Variants in GUCY1A2 observed in about 807,000 individuals in gnomAD.
GUCY1A2 encodes the protein guanylate cyclase 1 soluble subunit alpha 2, also known as guanylate cyclase soluble subunit alpha-2.
In GUCY1A2, 27 loss-of-function variants were observed where a neutral mutation model predicts 63.5. The ratio of observed to expected loss-of-function variants is 0.43; its 90% confidence interval spans 0.31 to 0.59. The LOEUF is 0.59. Ranked by LOEUF, GUCY1A2 falls within the 20% of genes least tolerant of loss-of-function variation. The probability of loss-of-function intolerance (pLI) is 0.11; values close to 1 mark genes in which losing one functional copy is unlikely to be tolerated. For missense variants in GUCY1A2, 768 were observed against 913.3 expected, an observed-to-expected ratio of 0.84 and a Z score of 2.05; for synonymous variants, 364 against 343.5, an observed-to-expected ratio of 1.06 and a Z score of -0.66.
intron 4 of GUCY1A2, among the ~76,000 whole-genome samples, chr11:106,882,340 A>G (rs1335324813): frequency 6.6e-6 from 1 of 152,050 alleles, no homozygotes; most frequent in East Asian, 1.9e-4. Flanking sequence ...GGAATTTTAC[A>G]TGAATCTAAT....
chr11:106,884,228 A>C (rs2135473586), intron 4 of GUCY1A2, among the ~76,000 whole-genome samples: 1 of 152,288 alleles, frequency 6.6e-6, no homozygotes, highest in Non-Finnish European at 1.5e-5. Context: ...TTTTGCCTTT[A>C]TGGTGATAAC....
chr11:106,818,900 C>G (rs929843144), intron 4 of GUCY1A2, among the ~76,000 whole-genome samples: 1 of 152,118 alleles, frequency 6.6e-6, no homozygotes, highest in Admixed American at 6.6e-5. Flanking sequence ...ATCTCTAATT[C>G]TATGAAGGCT....
chr11:106,797,039 T>G (rs753280004), intron 5 of GUCY1A2, among the ~76,000 whole-genome samples: 3 of 152,180 alleles, frequency 2.0e-5, no homozygotes, highest in African/African-American at 7.2e-5. Flanking sequence ...CTTCAATCAC[T>G]GATACCCTTT....
chr11:106,921,072 A>G (rs558685406), intron 4 of GUCY1A2, among the ~76,000 whole-genome samples: 3 of 152,240 alleles, frequency 2.0e-5, no homozygotes, highest in Admixed American at 2.0e-4. Flanking sequence ...TATAAGGTCA[A>G]CTGTTACATA....
chr11:106,921,546 C>T (rs949125924), intron 4 of GUCY1A2, among the ~76,000 whole-genome samples: 13 of 152,208 alleles, frequency 8.5e-5, no homozygotes, highest in African/African-American at 2.2e-4. Flanking sequence ...TTCTCCTAGT[C>T]CCAGTTTCCT....
At chr11:106,694,653 A>G (rs72987320) in intron 7 of GUCY1A2, among the ~76,000 whole-genome samples, 1 of 152,208 alleles carries the variant, frequency 6.6e-6, no homozygotes, top group African/African-American at 2.4e-5. Flanking sequence ...ATCTAACTTC[A>G]TAATCATGGG....
At chr11:106,735,833 A>G (rs534591695) in intron 6 of GUCY1A2, among the ~76,000 whole-genome samples, 3 of 152,226 alleles carry the variant, frequency 2.0e-5, no homozygotes, top group African/African-American at 7.2e-5. Flanking sequence ...ATTTTTATCT[A>G]GGTTGAGATG....
At chr11:106,855,841 A>G (rs955658656) in intron 4 of GUCY1A2, among the ~76,000 whole-genome samples, 1 of 152,000 alleles carries the variant, frequency 6.6e-6, no homozygotes, top group African/African-American at 2.4e-5. Context: ...GAAATCAGAA[A>G]GTATTAGTCC....
chr11:106,955,091 G>T (rs1353001771), intron 3 of GUCY1A2, among the ~76,000 whole-genome samples: 1 of 151,968 alleles, frequency 6.6e-6, no homozygotes, highest in African/African-American at 2.4e-5. Context: ...TCCTACCTCA[G>T]CCTCTCAAGT....
At chr11:106,928,873 A>G (rs916429444) in intron 4 of GUCY1A2, among the ~76,000 whole-genome samples, 1 of 152,198 alleles carries the variant, frequency 6.6e-6, no homozygotes, top group Admixed American at 6.5e-5. Flanking sequence ...TGACTAAACC[A>G]TCAATGTGTA....
At chr11:106,881,588 ATAC>A (rs1475013872) in intron 4 of GUCY1A2, among the ~76,000 whole-genome samples, 1 of 152,024 alleles carries the variant, frequency 6.6e-6, no homozygotes, top group African/African-American at 2.4e-5. Context: ...AAGAAAATGA[ATAC>A]CAATTTACCG....
intron 6 of GUCY1A2, among the ~76,000 whole-genome samples, chr11:106,731,214 T>C (rs1389997896): frequency 6.6e-6 from 1 of 152,134 alleles, no homozygotes; most frequent in Admixed American, 6.6e-5. Context: ...CTCCTGAGTT[T>C]TTTATAGTTT....
At chr11:106,960,510 C>A (rs1032837206) in intron 3 of GUCY1A2, among the ~76,000 whole-genome samples, 1 of 152,172 alleles carries the variant, frequency 6.6e-6, no homozygotes, top group Non-Finnish European at 1.5e-5. Context: ...CTGAGTAAAT[C>A]AGTACCTACA....
In GUCY1A2 at chr11:106,684,345, T is replaced by C. The variant is rs1449882620; in HGVS notation, c.*3204A>G. 5.3e-6 allele frequency: 1 copy of C among 190,028 alleles called. No individual in the cohort carries two copies. The highest frequency in any genetic ancestry group is 2.3e-5 in the African/African-American group (1 of 42,908). 11.8% of individuals were successfully genotyped at this position (190,028 alleles called of 1,614,324 possible). On this transcript the variant is annotated 3_prime_UTR_variant, in exon 8 of 8. Transcript: ENST00000526355. Reference sequence around the variant, plus strand: ...GAATATAAAGGCAGATTGTACGCAATTGGGTCCCATGTTACCTGGAAGCTA... The same window carrying C: ...GAATATAAAGGCAGATTGTACGCAACTGGGTCCCATGTTACCTGGAAGCTA...
At chr11:106,942,380 A>G (rs1222705408) in intron 3 of GUCY1A2, among the ~76,000 whole-genome samples, 1 of 152,190 alleles carries the variant, frequency 6.6e-6, no homozygotes, top group African/African-American at 2.4e-5. Context: ...TCACTATGTT[A>G]TAACTAGAAA....
chr11:106,889,318 G>T (rs1043871929), intron 4 of GUCY1A2, among the ~76,000 whole-genome samples: 1 of 152,104 alleles, frequency 6.6e-6, no homozygotes, highest in East Asian at 1.9e-4. Context: ...AAAAGTTGTG[G>T]AGATAGAAGC....
intron 6 of GUCY1A2, among the ~76,000 whole-genome samples, chr11:106,726,140 C>T (rs56107336): frequency 0.01 from 1,598 of 152,258 alleles, 17 homozygotes; most frequent in Non-Finnish European, 0.018. Context: ...TCAGGCTGGG[C>T]GTGGTGGTTC....
At chr11:106,790,286 C>T (rs7121705) in intron 5 of GUCY1A2, among the ~76,000 whole-genome samples, 369 of 152,302 alleles carry the variant, frequency 2.4e-3, no homozygotes, top group African/African-American at 8.6e-3. Flanking sequence ...CATAGGCCCA[C>T]AGGGACATCA....
intron 1 of GUCY1A2, among the ~76,000 whole-genome samples, chr11:107,004,196 C>A (rs570938813): frequency 6.6e-6 from 1 of 152,312 alleles, no homozygotes; most frequent in East Asian, 1.9e-4. Context: ...ACGTCCACCA[C>A]ATTCACCAAA....
Sources: gnomAD v4.1 joint callset for allele counts (sites outside exome capture counted in the v4.1 genomes callset) on GRCh38, gnomAD v4.1.1 for gene constraint, MANE v1.5 for transcripts, NCBI Gene and HGNC (gene_info 2026-07-23, HGNC 2026-07-21) for gene names.